Variants in ZFC3H1 observed in about 807,000 individuals in gnomAD.
ZFC3H1 encodes zinc finger C3H1 domain-containing protein.
In ZFC3H1, 71 loss-of-function variants were observed where a neutral mutation model predicts 243.7. The observed-to-expected ratio is 0.29, with a 90% CI of 0.24 to 0.36. The LOEUF (loss-of-function observed/expected upper bound fraction) is 0.36. Ranked by LOEUF, ZFC3H1 falls within the 10% of genes least tolerant of loss-of-function variation. The probability of loss-of-function intolerance (pLI) is 1.00; values close to 1 mark genes in which losing one functional copy is unlikely to be tolerated. For synonymous variants in ZFC3H1, 838 were observed against 813.0 expected (o/e 1.03, Z -0.52); for missense variants, 1,966 against 2,317.1 (o/e 0.85, Z 3.11).
At position 71,656,879 on chromosome 12, in the gene ZFC3H1, C is replaced by T. The variant is rs778717969; in HGVS notation, c.1015+6G>A. The T allele has an allele frequency of 7.5e-6, 12 of 1,600,998 alleles. No individual in the cohort carries two copies. The African/African-American group carries it at 1.3e-4, about 18-fold the overall frequency. On this transcript the variant is annotated splice_donor_region_variant and intron_variant, in intron 2 of 34. Transcript: ENST00000378743. ...CATTACTAACTGAAATATTTAATTC[C>T]ATTACCTTGACTAGAATCAGTAGTG...
At chr12:71,628,620 G>A (rs1053272066) in intron 20 of ZFC3H1, among the ~76,000 whole-genome samples, 4 of 152,176 alleles carry the variant, frequency 2.6e-5, no homozygotes, top group Non-Finnish European at 5.9e-5. Flanking sequence ...TCAAACGGGA[G>A]CTACCTTCCC....
Position 71,610,401 on chromosome 12 carries a change from G to A in ZFC3H1, c.*27C>T. 1.9e-6 allele frequency: 3 copies of A among 1,598,942 alleles called. No homozygotes were observed. The highest frequency in any genetic ancestry group is 2.6e-6 in the Non-Finnish European group (3 of 1,174,308). On this transcript the variant is annotated 3_prime_UTR_variant, in exon 35 of 35. Transcript: ENST00000378743. ...CAAATAATTTTGGCAATTATTATAAGGACTTAGAACTGACTGCACCCAGTG... is the reference window on the plus strand; with the variant it reads ...CAAATAATTTTGGCAATTATTATAAAGACTTAGAACTGACTGCACCCAGTG...
Position 71,610,695 on chromosome 12 carries a change from A to G in ZFC3H1, c.5832T>C (p.Asp1944=), listed in dbSNP as rs553396550. ...KLPLCASLWK[D]QLLFEASEGG... ...TAAAATAAAAGATAAAAAGCATTAC[A>G]TCTTTCCACAGTGATGCACAAAGAG... The change falls in exon 34 of 35, where the codon GAT becomes GAC. Residue 1944 remains aspartate, a splice_region_variant and synonymous_variant. Transcript: ENST00000378743. The G allele has an allele frequency of 6.2e-7, 1 of 1,613,074 alleles. No individual in the cohort carries two copies. Among genetic ancestry groups the G allele is most frequent in the Non-Finnish European group, 8.5e-7 (1 of 1,179,570 alleles).
intron 2 of ZFC3H1, among the ~76,000 whole-genome samples, chr12:71,649,255 C>T (rs1056509941): frequency 3.9e-5 from 6 of 152,170 alleles, no homozygotes; most frequent in East Asian, 1.9e-4. Context: ...ATACTTCAAA[C>T]ATCTATCAAA....
intron 1 of ZFC3H1, among the ~76,000 whole-genome samples, chr12:71,658,580 C>T (rs928805447): frequency 3.3e-5 from 5 of 152,194 alleles, no homozygotes; most frequent in African/African-American, 1.2e-4. Context: ...TGAGCCACTG[C>T]ACCCAGCCTA....
At position 71,633,347 on chromosome 12, in the gene ZFC3H1, T is replaced by A. The variant is rs1880372481; in HGVS notation, c.2602A>T (p.Ile868Phe). The part of the protein sequence containing the change: ...KESVRNAEAK[I>F]TKLTEQLQAT... ...TGAAGCTGTTCTGTAAGTTTTGTAATCTTTGCTTCAGCATTTCTAACAGAT... is the reference window on the plus strand; with the variant it reads ...TGAAGCTGTTCTGTAAGTTTTGTAAACTTTGCTTCAGCATTTCTAACAGAT... The change falls in exon 13 of 35, where the codon ATT (isoleucine) becomes TTT (phenylalanine). Residue 868 changes from isoleucine to phenylalanine, a missense_variant. This residue lies in a region of ZFC3H1 where 1,383 missense variants were observed against 1,723.7 expected (regional missense o/e 0.80). Transcript: ENST00000378743. The A allele has an allele frequency of 6.2e-7, 1 of 1,604,218 alleles. No homozygotes were observed.
At chr12:71,647,679 A>C (rs981105274) in intron 3 of ZFC3H1, 70 bp downstream of exon 3, 1 of 839,856 alleles carries the variant, frequency 1.2e-6, no homozygotes, top group Non-Finnish European at 1.9e-6. Flanking sequence ...CTTCCCTTAC[A>C]AAAGAACAAA....
At chr12:71,632,584 T>C in intron 14 of ZFC3H1, 70 bp from the exon 15 acceptor site, 3 of 1,477,072 alleles carry the variant, frequency 2.0e-6, no homozygotes, top group Non-Finnish European at 2.7e-6. Context: ...GTAAGATAAT[T>C]GTGCTATCCC....
In ZFC3H1 at chr12:71,633,253, A is replaced by T. The variant is rs1880370632; in HGVS notation, c.2685+11T>A. The T allele has an allele frequency of 6.4e-7, 1 of 1,565,970 alleles. No individual in the cohort carries two copies. Among genetic ancestry groups the T allele is most frequent in the African/African-American group, 1.4e-5 (1 of 72,336 alleles). On this transcript the variant is annotated intron_variant, in intron 13 of 34. Transcript: ENST00000378743. ...AGTAAACAGGAGACTACAGTATTTT[A>T]AAATAATTACTTGTTCCTGAAGCTT...
intron 1 of ZFC3H1, among the ~76,000 whole-genome samples, chr12:71,659,817 T>G (rs555919223): frequency 6.6e-6 from 1 of 152,308 alleles, no homozygotes; most frequent in African/African-American, 2.4e-5. Flanking sequence ...GAAGTGCTAT[T>G]CAACCTTTTC....
In ZFC3H1 at chr12:71,663,463, A is replaced by G. The variant is rs1166049490; in HGVS notation, c.148T>C (p.Leu50=). ...SSSSSSGGGL[L]PYPRRRPPHS... is the part of the protein sequence containing the mutation. ...GGAGGCCTTCGCCGCGGATAGGGTA[A>G]CAGCCCGCCGCCGCTGCTGCTGCTG... Residue 50 remains leucine, a synonymous_variant, in exon 1 of 35, where the codon TTA becomes CTA. Coordinates refer to ENST00000378743, the MANE Select transcript of ZFC3H1 (RefSeq NM_144982.5). 6.2e-7 allele frequency: 1 copy of G among 1,612,610 alleles called. No homozygotes were observed. Among genetic ancestry groups the G allele is most frequent in the South Asian group, 1.1e-5 (1 of 91,090 alleles).
In ZFC3H1 at chr12:71,622,780, T is replaced by C. The variant is rs191801771; in HGVS notation, c.4744+580A>G. Among the ~76,000 whole-genome samples the C allele has an allele frequency of 9.8e-4, 149 of 152,312 alleles. 1 individual carries two copies. Among genetic ancestry groups the C allele is most frequent in the African/African-American group, 3.3e-3 (137 of 41,576 alleles). On this transcript the variant is annotated intron_variant, in intron 24 of 34. Coordinates refer to ENST00000378743, the MANE Select transcript of ZFC3H1 (RefSeq NM_144982.5). ...CGGCCCTAGTCTCTTTTACGTAGCA[T>C]ACAATTTAGACTATATACTAACACA...
chr12:71,651,613 G>C (rs1880888476), intron 2 of ZFC3H1, among the ~76,000 whole-genome samples: 1 of 152,146 alleles, frequency 6.6e-6, no homozygotes, highest in East Asian at 1.9e-4. Flanking sequence ...TATTGTGATG[G>C]GGGTAGAAAA....
intron 2 of ZFC3H1, among the ~76,000 whole-genome samples, chr12:71,650,262 C>T (rs1051921910): frequency 1.1e-4 from 16 of 152,008 alleles, no homozygotes; most frequent in South Asian, 2.1e-4. Context: ...GGCAACAGAG[C>T]GAGTCCGTCT....
intron 33 of ZFC3H1, 148 bp downstream of exon 33, chr12:71,610,910 A>G: frequency 1.4e-6 from 2 of 1,419,216 alleles, no homozygotes; most frequent in South Asian, 2.6e-5. Flanking sequence ...GTACTCTTAA[A>G]ATGTTAACTA....
At chr12:71,657,510 T>C (rs1881051391) in intron 1 of ZFC3H1, among the ~76,000 whole-genome samples, 1 of 152,214 alleles carries the variant, frequency 6.6e-6, no homozygotes, top group African/African-American at 2.4e-5. Context: ...AAGTACCATA[T>C]AAACAGTCCA....
At chr12:71,610,787 C>G (rs1041298215) in intron 33 of ZFC3H1, 30 bp from the exon 34 acceptor site, 2 of 1,595,642 alleles carry the variant, frequency 1.3e-6, no homozygotes, top group African/African-American at 2.7e-5. Context: ...ACAATTCCAT[C>G]AGAAAATATA....
At chr12:71,644,003 A>G in intron 5 of ZFC3H1, 92 bp downstream of exon 5, 1 of 1,138,584 alleles carries the variant, frequency 8.8e-7, no homozygotes, top group East Asian at 2.5e-5. Flanking sequence ...AGTTATTTAT[A>G]AAATAAACTT....
At chr12:71,653,247 T>G (rs1177043351) in intron 2 of ZFC3H1, among the ~76,000 whole-genome samples, 1 of 152,048 alleles carries the variant, frequency 6.6e-6, no homozygotes, top group Non-Finnish European at 1.5e-5. Flanking sequence ...AAACTGTAAT[T>G]GAAATGTAAA....
Sources: allele counts gnomAD v4.1 joint callset (sites outside exome capture counted in the v4.1 genomes callset), GRCh38; gene constraint gnomAD v4.1.1; regional missense constraint gnomAD v4.1.1; transcripts MANE v1.5; gene names NCBI Gene and HGNC (gene_info 2026-07-23, HGNC 2026-07-21).